PPARGC1A: variants seen among roughly 807,000 people sequenced by gnomAD.
PPARGC1A encodes PPARG coactivator 1 alpha.
PPARGC1A carries 25 observed loss-of-function variants against 88.7 expected under a neutral mutation model. The observed-to-expected ratio is 0.28, with a 90% CI of 0.21 to 0.39. The LOEUF is 0.39. PPARGC1A is among the 10% of genes least tolerant of loss of function. PPARGC1A has a pLI of 1.00. For synonymous variants in PPARGC1A, 363 were observed against 355.6 expected (o/e 1.02, Z -0.24); for missense variants, 880 against 968.7 (o/e 0.91, Z 1.22).
At chr4:24,064,804 C>A in the PPARGC1A span, among the ~76,000 whole-genome samples, 13 of 152,032 alleles carry the variant, frequency 8.6e-5, no homozygotes, top group South Asian at 4.1e-4. Flanking sequence ...ATCTTACTAG[C>A]TGATCGCCCA....
the PPARGC1A span, among the ~76,000 whole-genome samples, chr4:24,453,020 A>C: frequency 6.6e-6 from 1 of 152,192 alleles, no homozygotes; most frequent in African/African-American, 2.4e-5. Context: ...ACTGCATTTA[A>C]ACTCTGGTCT....
chr4:24,237,497 T>C, the PPARGC1A span, among the ~76,000 whole-genome samples: 3 of 152,218 alleles, frequency 2.0e-5, no homozygotes, highest in African/African-American at 7.2e-5. Context: ...GGAAAGTTGA[T>C]ATATAGATAT....
At chr4:23,797,800 A>G (rs1388645600) in intron 12 of PPARGC1A, among the ~76,000 whole-genome samples, 2 of 152,192 alleles carry the variant, frequency 1.3e-5, no homozygotes, top group Non-Finnish European at 2.9e-5. Context: ...CTCTCCCGCT[A>G]ATGAAAGGAT....
At chr4:24,464,842 C>A in the PPARGC1A span, among the ~76,000 whole-genome samples, 2 of 152,170 alleles carry the variant, frequency 1.3e-5, no homozygotes, top group Admixed American at 6.5e-5. Context: ...TCCCCTCCAC[C>A]GCATGTTTCT....
chr4:24,112,772 C>T, the PPARGC1A span, among the ~76,000 whole-genome samples: 1 of 152,148 alleles, frequency 6.6e-6, no homozygotes, highest in Non-Finnish European at 1.5e-5. Context: ...CCACCCAATT[C>T]ATCCACAAAT....
the PPARGC1A span, among the ~76,000 whole-genome samples, chr4:24,281,130 C>T: frequency 6.6e-6 from 1 of 152,218 alleles, no homozygotes; most frequent in Admixed American, 6.5e-5. Flanking sequence ...ACATGACTTA[C>T]AGCTCACCTC....
chr4:24,297,392 G>A, the PPARGC1A span, among the ~76,000 whole-genome samples: 1 of 152,140 alleles, frequency 6.6e-6, no homozygotes, highest in African/African-American at 2.4e-5. Context: ...TCTCGGAAAT[G>A]TACTTTCAAA....
At chr4:23,915,517 T>G in the PPARGC1A span, among the ~76,000 whole-genome samples, 1 of 152,238 alleles carries the variant, frequency 6.6e-6, no homozygotes, top group African/African-American at 2.4e-5. Flanking sequence ...TCATAGCATT[T>G]ATCAGTTTTC....
At chr4:24,458,423 C>T in the PPARGC1A span, among the ~76,000 whole-genome samples, 1 of 152,182 alleles carries the variant, frequency 6.6e-6, no homozygotes, top group Non-Finnish European at 1.5e-5. Flanking sequence ...ATGGCTTTAG[C>T]CCAGGAGGCA....
the PPARGC1A span, among the ~76,000 whole-genome samples, chr4:24,395,501 T>G: frequency 1.3e-5 from 2 of 152,194 alleles, no homozygotes; most frequent in Non-Finnish European, 2.9e-5. Flanking sequence ...AGATTCAAGC[T>G]CCATGAGATT....
At chr4:24,097,291 G>A in the PPARGC1A span, among the ~76,000 whole-genome samples, 1 of 152,198 alleles carries the variant, frequency 6.6e-6, no homozygotes, top group Non-Finnish European at 1.5e-5. Context: ...AAGGGAGCAG[G>A]AGGATATTGA....
chr4:24,362,360 G>GGATA, the PPARGC1A span, among the ~76,000 whole-genome samples: 31 of 151,326 alleles, frequency 2.0e-4, no homozygotes, highest in Admixed American at 1.1e-3. Context: ...CTGGATGGAT[G>GGATA]GATGGATGGA....
the PPARGC1A span, among the ~76,000 whole-genome samples, chr4:24,032,693 G>C: frequency 1.3e-5 from 2 of 152,138 alleles, no homozygotes; most frequent in South Asian, 2.1e-4. Flanking sequence ...AAGAGGAGTT[G>C]GTTTATTTTT....
chr4:24,140,357 G>A, the PPARGC1A span, among the ~76,000 whole-genome samples: 2 of 152,190 alleles, frequency 1.3e-5, no homozygotes, highest in African/African-American at 4.8e-5. Context: ...TCTGATCACA[G>A]GCTCTGTAAT....
At chr4:23,936,304 A>G in the PPARGC1A span, among the ~76,000 whole-genome samples, 6 of 152,228 alleles carry the variant, frequency 3.9e-5, no homozygotes, top group Admixed American at 1.3e-4. Context: ...GGATTGAGAA[A>G]CTTGCCCAAG....
chr4:24,455,364 C>A, the PPARGC1A span, among the ~76,000 whole-genome samples: 18 of 152,244 alleles, frequency 1.2e-4, no homozygotes, highest in African/African-American at 4.3e-4. Flanking sequence ...GCCTGCAGTC[C>A]TAGATATTCG....
At chr4:24,338,056 T>C in the PPARGC1A span, among the ~76,000 whole-genome samples, 1 of 152,170 alleles carries the variant, frequency 6.6e-6, no homozygotes, top group Non-Finnish European at 1.5e-5. Context: ...TGCCTAGCCT[T>C]GCCATTTGGC....
chr4:24,356,200 C>CAAAAAA, the PPARGC1A span, among the ~76,000 whole-genome samples: 1 of 74,550 alleles, frequency 1.3e-5, no homozygotes. Flanking sequence ...CCGTCTCAAA[C>CAAAAAA]AAAAAAAAAA....
At chr4:24,200,657 A>AAAAAAAAAAC in the PPARGC1A span, among the ~76,000 whole-genome samples, 1 of 114,588 alleles carries the variant, frequency 8.7e-6, no homozygotes, top group Non-Finnish European at 1.7e-5. Flanking sequence ...TTATTAAGCA[A>AAAAAAAAAAC]AAAAAAAAAA....
Sources: allele counts gnomAD v4.1 joint callset (sites outside exome capture counted in the v4.1 genomes callset), GRCh38; gene constraint gnomAD v4.1.1; transcripts MANE v1.5; gene names NCBI Gene and HGNC (gene_info 2026-07-23, HGNC 2026-07-21).